Variants in DNAJB6 observed in about 807,000 individuals in gnomAD.
The protein encoded by DNAJB6 is DnaJ heat shock protein family (Hsp40) member B6.
In DNAJB6, 16 loss-of-function variants were observed where a neutral mutation model predicts 42.7. The observed-to-expected ratio is 0.37, with a 90% CI of 0.25 to 0.57. The LOEUF (loss-of-function observed/expected upper bound fraction) is 0.57, where lower values mean the gene tolerates loss of function less well. Among genes scored for constraint, DNAJB6 ranks in the 20% least tolerant of loss-of-function variants. The pLI, the probability that DNAJB6 is intolerant of heterozygous loss-of-function variation, is 0.74. For missense variants in DNAJB6, 347 were observed against 416.8 expected, an observed-to-expected ratio of 0.83 and a Z score of 1.46; for synonymous variants, 170 against 163.5, an observed-to-expected ratio of 1.04 and a Z score of -0.30.
At chr7:157,365,553 A>G (rs962644663) in intron 3 of DNAJB6, among the ~76,000 whole-genome samples, 6 of 152,090 alleles carry the variant, frequency 3.9e-5, no homozygotes, top group Non-Finnish European at 8.8e-5. Flanking sequence ...TTGTAGTAAG[A>G]TGGTGCACTT....
At chr7:157,366,996 C>G (rs531247775) in intron 4 of DNAJB6, among the ~76,000 whole-genome samples, 6 of 152,354 alleles carry the variant, frequency 3.9e-5, no homozygotes, top group African/African-American at 1.4e-4. Context: ...TCCAAACCCA[C>G]TGGGGCCACG....
intron 6 of DNAJB6, among the ~76,000 whole-genome samples, chr7:157,383,917 A>G (rs1317378974): frequency 6.6e-6 from 1 of 152,258 alleles, no homozygotes; most frequent in Non-Finnish European, 1.5e-5. Context: ...TGTATTAAAT[A>G]AAATACTAAA....
chr7:157,382,106 A>G (rs889225189), intron 5 of DNAJB6, 140 bp from the exon 6 acceptor site: 1 of 866,656 alleles, frequency 1.2e-6, no homozygotes. Flanking sequence ...TACTCTGTAG[A>G]TAAGCTCTTT....
chr7:157,379,687 G>C (rs1333252841), intron 5 of DNAJB6: 2 of 152,398 alleles, frequency 1.3e-5, no homozygotes, highest in Non-Finnish European at 2.9e-5. Flanking sequence ...GTCTTGCTAT[G>C]TTGCCCAGGT....
intron 1 of DNAJB6, among the ~76,000 whole-genome samples, chr7:157,346,201 T>C (rs1223044072): frequency 6.6e-6 from 1 of 151,786 alleles, no homozygotes; most frequent in Non-Finnish European, 1.5e-5. Context: ...GTTAAAATGT[T>C]TTATTGCCAC....
intron 1 of DNAJB6, among the ~76,000 whole-genome samples, chr7:157,344,208 A>G (rs1459385273): frequency 2.0e-5 from 3 of 152,148 alleles, no homozygotes; most frequent in Non-Finnish European, 2.9e-5. Context: ...GGGCGTGGTG[A>G]CAGGTGCCTG....
intron 8 of DNAJB6, among the ~76,000 whole-genome samples, chr7:157,397,335 C>T (rs1275914689): frequency 2.6e-5 from 4 of 152,206 alleles, no homozygotes; most frequent in Non-Finnish European, 4.4e-5. Context: ...GACCCAGTCA[C>T]GGCCGCCCAG....
chr7:157,376,226 A>G (rs1800464021), intron 5 of DNAJB6, among the ~76,000 whole-genome samples: 1 of 152,176 alleles, frequency 6.6e-6, no homozygotes, highest in African/African-American at 2.4e-5. Flanking sequence ...AATGTTTGTT[A>G]CATGTGTTTT....
intron 8 of DNAJB6, among the ~76,000 whole-genome samples, chr7:157,407,762 C>T (rs989131139): frequency 5.3e-5 from 8 of 152,206 alleles, no homozygotes; most frequent in Admixed American, 1.3e-4. Flanking sequence ...CACACAACAG[C>T]GACTTCGCAG....
chr7:157,359,451 G>A (rs921530218), intron 2 of DNAJB6, among the ~76,000 whole-genome samples: 4 of 152,108 alleles, frequency 2.6e-5, no homozygotes, highest in African/African-American at 9.7e-5. Context: ...GGGCTCAAGC[G>A]ATTCTCTTGC....
intron 1 of DNAJB6, among the ~76,000 whole-genome samples, chr7:157,355,923 C>A (rs1319993088): frequency 6.6e-6 from 1 of 152,198 alleles, no homozygotes; most frequent in African/African-American, 2.4e-5. Flanking sequence ...ACGCGGCCCT[C>A]ACCCACACCC....
At chr7:157,353,019 A>T (rs190335473) in intron 1 of DNAJB6, among the ~76,000 whole-genome samples, 1 of 152,214 alleles carries the variant, frequency 6.6e-6, no homozygotes, top group African/African-American at 2.4e-5. Context: ...TTTAAATTCA[A>T]TTCAGTCAAT....
chr7:157,387,790 T>G, intron 8 of DNAJB6, among the ~76,000 whole-genome samples: 1 of 152,236 alleles, frequency 6.6e-6, no homozygotes, highest in East Asian at 1.9e-4. Flanking sequence ...AATTTTTTTT[T>G]GAGGAGGAGG....
intron 8 of DNAJB6, among the ~76,000 whole-genome samples, chr7:157,407,569 C>T (rs757617493): frequency 2.2e-4 from 33 of 152,138 alleles, no homozygotes; most frequent in Admixed American, 1.0e-3. Context: ...TGGGTCCCTT[C>T]GTCTCTCCTC....
At chr7:157,371,369 G>C (rs897980117) in intron 5 of DNAJB6, among the ~76,000 whole-genome samples, 1 of 152,266 alleles carries the variant, frequency 6.6e-6, no homozygotes, top group South Asian at 2.1e-4. Context: ...CTGTACTTCA[G>C]ACCTCCCTCA....
chr7:157,390,219 C>G (rs1332082237), intron 8 of DNAJB6, among the ~76,000 whole-genome samples: 1 of 152,186 alleles, frequency 6.6e-6, no homozygotes, highest in Admixed American at 6.5e-5. Context: ...CACACCCCTC[C>G]TGCTGTGCGA....
intron 5 of DNAJB6, among the ~76,000 whole-genome samples, chr7:157,368,439 G>C (rs1319565594): frequency 1.3e-5 from 2 of 152,222 alleles, no homozygotes; most frequent in African/African-American, 4.8e-5. Context: ...CTGTTGTTGA[G>C]AGTTTGCGGA....
chr7:157,409,732 C>A, intron 8 of DNAJB6, 63 bp from the exon 9 acceptor site: 1 of 1,459,964 alleles, frequency 6.8e-7, no homozygotes, highest in Non-Finnish European at 9.1e-7. Context: ...CCTCCCTCTG[C>A]TCTGGATGGG....
rs564163935 is a variant in DNAJB6, at chr7:157,369,137, G to A, written c.346+1654G>A. 120 of 369,378 alleles carry A rather than the reference G, an allele frequency of 3.2e-4. No homozygotes were observed. In the East Asian group the frequency reaches 7.1e-3, roughly 22 times the overall value. 22.9% of individuals were successfully genotyped at this position (369,378 alleles called of 1,614,324 possible). A position where few individuals can be genotyped will look rare whatever the true frequency, so the allele number is the denominator to read the frequency against. ...GCAGGCGATTTCCGATTAGGGGACC[G>A]GGAGACTGGCGTGCTCATCGTTTAA... is the stretch of plus-strand genomic sequence containing the variant. On this transcript the variant is annotated intron_variant, in intron 5 of 9. Transcript: ENST00000262177.
Sources: allele counts gnomAD v4.1 joint callset (sites outside exome capture counted in the v4.1 genomes callset), GRCh38; gene constraint gnomAD v4.1.1; transcripts MANE v1.5; gene names NCBI Gene and HGNC (gene_info 2026-07-23, HGNC 2026-07-21).